Variants in TNR observed in about 807,000 individuals in gnomAD.
TNR encodes tenascin R.
Under a neutral mutation model 150.4 loss-of-function variants are expected in TNR, and 45 were observed. That is an observed-to-expected ratio of 0.30 (90% CI 0.24 to 0.38). TNR has a LOEUF of 0.38. TNR is among the 10% of genes least tolerant of loss of function. TNR has a pLI of 1.00. For synonymous variants in TNR, 687 were observed against 678.4 expected, an observed-to-expected ratio of 1.01 and a Z score of -0.20; for missense variants, 1,544 against 1,759.1, an observed-to-expected ratio of 0.88 and a Z score of 2.19.
rs189964474 is a variant in TNR, at chr1:175,486,053, A to G, written c.-64+42216T>C. ...TTTCACCAGAGAAGACAATTTTTCC[A>G]TTAACTAGGAGGTACAGGATGGTTT... On this transcript the variant is annotated intron_variant, in intron 2 of 22. Transcript: ENST00000367674. Among the ~76,000 whole-genome samples the G allele has an allele frequency of 2.2e-3, 332 of 152,138 alleles. 3 individuals are homozygous for G. Among genetic ancestry groups the G allele is most frequent in the Non-Finnish European group, 3.7e-3 (255 of 68,006 alleles).
intron 18 of TNR, among the ~76,000 whole-genome samples, chr1:175,339,543 A>G (rs1458849885): frequency 6.6e-6 from 1 of 152,144 alleles, no homozygotes; most frequent in Non-Finnish European, 1.5e-5. Context: ...CACTGCTATT[A>G]TCTCCTCATT....
At chr1:175,451,795 T>C (rs1186713546) in intron 2 of TNR, among the ~76,000 whole-genome samples, 1 of 152,158 alleles carries the variant, frequency 6.6e-6, no homozygotes, top group Admixed American at 6.5e-5. Flanking sequence ...GACTTAGCAT[T>C]TTGAACGTTG....
At chr1:175,349,188 G>T (rs961557009) in intron 18 of TNR, among the ~76,000 whole-genome samples, 3 of 152,194 alleles carry the variant, frequency 2.0e-5, no homozygotes, top group African/African-American at 7.2e-5. Context: ...GCAGTACATG[G>T]TTAAACTATG....
chr1:175,547,864 T>C (rs1660774365), intron 1 of TNR, among the ~76,000 whole-genome samples: 1 of 152,222 alleles, frequency 6.6e-6, no homozygotes, highest in Non-Finnish European at 1.5e-5. Flanking sequence ...AGCCACTCTG[T>C]AGAGAGCGTT....
intron 1 of TNR, among the ~76,000 whole-genome samples, chr1:175,727,339 T>C (rs766405758): frequency 6.6e-6 from 1 of 152,148 alleles, no homozygotes; most frequent in Non-Finnish European, 1.5e-5. Flanking sequence ...AGTACCAAGT[T>C]AACATAGAAA....
intron 2 of TNR, among the ~76,000 whole-genome samples, chr1:175,431,698 C>G (rs1655270393): frequency 6.6e-6 from 1 of 151,178 alleles, no homozygotes; most frequent in African/African-American, 2.4e-5. Flanking sequence ...CCATGCTTTC[C>G]AGCACAGTCA....
chr1:175,489,158 C>T (rs1439474560), intron 2 of TNR, among the ~76,000 whole-genome samples: 1 of 152,148 alleles, frequency 6.6e-6, no homozygotes, highest in Non-Finnish European at 1.5e-5. Flanking sequence ...AACGAAGCCT[C>T]CCTCCAAAAA....
intron 2 of TNR, among the ~76,000 whole-genome samples, chr1:175,525,954 C>T (rs859362): frequency 0.21 from 32,396 of 151,292 alleles, 3,958 homozygotes; most frequent in African/African-American, 0.33. Flanking sequence ...GGTTTGTTTG[C>T]CTGTAAGAAT....
In TNR at chr1:175,417,024, A is replaced by AAAGAAAGAAAGAAAGG. The variant is rs1491449475; in HGVS notation, c.-63-10248_-63-10247insCCTTTCTTTCTTTCTT. 4.5e-4 allele frequency among the ~76,000 whole-genome samples: 42 copies of AAAGAAAGAAAGAAAGG among 93,920 alleles called. 2 individuals are homozygous for AAAGAAAGAAAGAAAGG. Among genetic ancestry groups the AAAGAAAGAAAGAAAGG allele is most frequent in the African/African-American group, 1.6e-3 (40 of 25,708 alleles). 61.6% of individuals were successfully genotyped at this position (93,920 alleles called of 152,430 possible). ...CTCCATCTCAAAAAAAGAAAGAAAG[A>AAAGAAAGAAAGAAAGG]AAGAAAGAAAGAAAGAAAGAAAGAA... On this transcript the variant is annotated intron_variant, in intron 2 of 22. Coordinates refer to ENST00000367674, the MANE Select transcript of TNR (RefSeq NM_003285.3).
intron 1 of TNR, among the ~76,000 whole-genome samples, chr1:175,555,780 G>T (rs1661134658): frequency 6.6e-6 from 1 of 152,200 alleles, no homozygotes; most frequent in South Asian, 2.1e-4. Context: ...AAACCATGAA[G>T]AATCTAAAGT....
chr1:175,540,086 T>C (rs1660443382), intron 1 of TNR, among the ~76,000 whole-genome samples: 2 of 152,138 alleles, frequency 1.3e-5, no homozygotes, highest in Admixed American at 1.3e-4. Context: ...AGATGTAGAG[T>C]GGGGAGGGAA....
chr1:175,629,967 C>A (rs974561915), intron 1 of TNR, among the ~76,000 whole-genome samples: 3 of 152,146 alleles, frequency 2.0e-5, no homozygotes, highest in African/African-American at 4.8e-5. Context: ...TTAGGCTGAA[C>A]CTCAGACCCA....
rs1418839811 is a variant in TNR, at chr1:175,621,075, G to A, written c.-164-92706C>T. ...TATCGCTCTTGCCTTGATTCAGGAC[G>A]GCATTGCCATCGTCCTTGACTGTTA... On this transcript the variant is annotated intron_variant, in intron 1 of 22. Coordinates refer to ENST00000367674, the MANE Select transcript of TNR (RefSeq NM_003285.3). Among the ~76,000 whole-genome samples the A allele has an allele frequency of 2.6e-5, 4 of 152,238 alleles. No homozygotes were observed. The East Asian group carries it at 5.8e-4, about 22-fold the overall frequency.
At chr1:175,487,074 G>C (rs533800794) in intron 2 of TNR, among the ~76,000 whole-genome samples, 1 of 152,292 alleles carries the variant, frequency 6.6e-6, no homozygotes, top group African/African-American at 2.4e-5. Flanking sequence ...TCTGTAGGTT[G>C]CCTGTTTACT....
chr1:175,734,403 A>G (rs1224314746), intron 1 of TNR, among the ~76,000 whole-genome samples: 2 of 152,234 alleles, frequency 1.3e-5, no homozygotes, highest in Non-Finnish European at 2.9e-5. Flanking sequence ...CAGAGAAGTC[A>G]ATGGATTTCC....
rs1664430496 is a variant in TNR, at chr1:175,634,426, G to A, written c.-164-106057C>T. Among the ~76,000 whole-genome samples, 3 of 152,092 alleles carry A rather than the reference G, an allele frequency of 2.0e-5. No homozygotes were observed. In the South Asian group the frequency reaches 6.2e-4, roughly 32 times the overall value. Reference sequence around the variant, plus strand: ...TGTGGAGCCATCTATTCTGCTGATGGGCCTTTATCATCTTTCACATTTTGT... The same window carrying A: ...TGTGGAGCCATCTATTCTGCTGATGAGCCTTTATCATCTTTCACATTTTGT... On this transcript the variant is annotated intron_variant, in intron 1 of 22. Transcript: ENST00000367674.
chr1:175,377,247 T>C (rs556895610), intron 9 of TNR, among the ~76,000 whole-genome samples: 8 of 152,296 alleles, frequency 5.3e-5, no homozygotes, highest in South Asian at 2.1e-4. Flanking sequence ...ATAAGAGAGA[T>C]GATCAGTGAG....
At chr1:175,678,918 G>A (rs938659450) in intron 1 of TNR, among the ~76,000 whole-genome samples, 3 of 152,186 alleles carry the variant, frequency 2.0e-5, no homozygotes, top group African/African-American at 7.2e-5. Flanking sequence ...GTCAGTTGGG[G>A]TGACTGGCTA....
In TNR at chr1:175,322,818, A is replaced by AAGGG. The variant is rs1287791885; in HGVS notation, c.*535_*538dup. 6.8e-6 allele frequency: 1 copy of AAGGG among 147,864 alleles called. No homozygotes were observed. The highest frequency in any genetic ancestry group is 1.5e-5 in the Non-Finnish European group (1 of 65,760). The allele number at this position is 147,864 out of a possible 1,614,324, so 9.2% of individuals were successfully genotyped here. The stretch of plus-strand genomic sequence containing the variant: ...GAAGGAGGGAAGGCAGGAAAGAAGG[A>AAGGG]AGGGAGGAAGGAAGGAAGGAAGGAA... On this transcript the variant is annotated 3_prime_UTR_variant, in exon 23 of 23. Coordinates refer to ENST00000367674, the MANE Select transcript of TNR (RefSeq NM_003285.3).
Sources: allele counts gnomAD v4.1 joint callset (sites outside exome capture counted in the v4.1 genomes callset), GRCh38; gene constraint gnomAD v4.1.1; transcripts MANE v1.5; gene names NCBI Gene and HGNC (gene_info 2026-07-23, HGNC 2026-07-21).